Variants in ABCA12 observed in about 807,000 individuals in gnomAD.
ABCA12 encodes the protein glucosylceramide transporter ABCA12.
ABCA12 carries 156 observed loss-of-function variants against 293.5 expected under a neutral mutation model. The observed-to-expected ratio is 0.53, with a 90% CI of 0.47 to 0.61. The LOEUF is 0.61. Among genes scored for constraint, ABCA12 ranks in the 20% least tolerant of loss-of-function variants. The pLI is 0.00. For missense variants in ABCA12, 2,797 were observed against 3,090.2 expected (o/e 0.91, Z 2.25); for synonymous variants, 1,063 against 1,108.0 (o/e 0.96, Z 0.81).
chr2:215,121,258 T>C (rs544800297), intron 1 of ABCA12, among the ~76,000 whole-genome samples: 56 of 152,312 alleles, frequency 3.7e-4, no homozygotes, highest in African/African-American at 1.1e-3. Context: ...CACTACAAAA[T>C]GGATTACTGG....
rs563212344 is a variant in ABCA12 at position 215,055,942 on chromosome 2, TAGAAAGTTTG to T, written c.318-1288_318-1279del. On this transcript the variant is annotated intron_variant, in intron 3 of 52. Coordinates refer to ENST00000272895, the MANE Select transcript of ABCA12 (RefSeq NM_173076.3). ...TTTCCCTTTTCTCAAAAAGAAGTTT[TAGAAAGTTTG>T]AGAAAGTTGAGTTTACTTTTCTTTT... Among the ~76,000 whole-genome samples, 500 of 152,208 alleles carry T rather than the reference TAGAAAGTTTG, an allele frequency of 3.3e-3. 2 individuals carry two copies. The highest frequency in any genetic ancestry group is 6.8e-3 in the Middle Eastern group (2 of 294).
intron 8 of ABCA12, among the ~76,000 whole-genome samples, chr2:215,033,936 G>A (rs889426611): frequency 2.8e-4 from 42 of 151,602 alleles, no homozygotes; most frequent in Non-Finnish European, 1.6e-4. Flanking sequence ...GTGAGACTCC[G>A]TCTCAAAAAA....
chr2:215,074,620 G>A (rs1047197758), intron 2 of ABCA12, among the ~76,000 whole-genome samples: 2 of 152,188 alleles, frequency 1.3e-5, no homozygotes, highest in African/African-American at 4.8e-5. Context: ...ATCATTTACC[G>A]AGTTCACAGT....
At chr2:214,939,185 A>C (rs1698316917) in intron 50 of ABCA12, among the ~76,000 whole-genome samples, 1 of 152,210 alleles carries the variant, frequency 6.6e-6, no homozygotes, top group Non-Finnish European at 1.5e-5. Flanking sequence ...GCATATAGCT[A>C]GCCAGTTTTC....
chr2:215,114,043 C>T (rs1355314466), intron 1 of ABCA12, among the ~76,000 whole-genome samples: 4 of 152,116 alleles, frequency 2.6e-5, no homozygotes, highest in Admixed American at 6.6e-5. Flanking sequence ...GGTGCAACCT[C>T]GGCTCACTGC....
chr2:215,028,444 C>T (rs533611664), intron 9 of ABCA12, among the ~76,000 whole-genome samples: 6 of 152,258 alleles, frequency 3.9e-5, no homozygotes, highest in South Asian at 2.1e-4. Context: ...ATTTTACAAG[C>T]GCTCATGCTT....
At chr2:214,944,386 T>A (rs1009245312) in intron 49 of ABCA12, among the ~76,000 whole-genome samples, 6 of 151,652 alleles carry the variant, frequency 4.0e-5, no homozygotes, top group African/African-American at 1.5e-4. Context: ...TACTCCAGCC[T>A]GGGTGACAGA....
intron 2 of ABCA12, among the ~76,000 whole-genome samples, chr2:215,094,675 C>A (rs1341065331): frequency 1.3e-5 from 2 of 152,174 alleles, no homozygotes; most frequent in Non-Finnish European, 2.9e-5. Flanking sequence ...CTCCTCCTAG[C>A]CCCTCCTCTT....
At chr2:214,998,766 C>T (rs1167150783) in intron 22 of ABCA12, among the ~76,000 whole-genome samples, 2 of 152,174 alleles carry the variant, frequency 1.3e-5, no homozygotes, top group African/African-American at 4.8e-5. Flanking sequence ...CCAGGTGATA[C>T]TGATGCTGCT....
At chr2:215,111,739 G>T in intron 1 of ABCA12, 49 bp from the exon 2 acceptor site, 1 of 1,414,228 alleles carries the variant, frequency 7.1e-7, no homozygotes. Context: ...TTGAACCAAA[G>T]ATTTTTAAAA....
At position 215,016,309 on chromosome 2, in the gene ABCA12, C is replaced by T. The variant is rs1341095229; in HGVS notation, c.1783-646G>A. 7.9e-5 allele frequency among the ~76,000 whole-genome samples: 12 copies of T among 151,672 alleles called. 1 individual carries two copies. The South Asian group carries it at 2.1e-3, about 26-fold the overall frequency. On this transcript the variant is annotated intron_variant, in intron 14 of 52. Transcript: ENST00000272895. ...TTTAAGACTTTGCTCCCTGGCTGGG[C>T]GCGGTGGCTCACGCCTCTAATCCCA... is the stretch of plus-strand genomic sequence containing the variant.
Position 215,019,329 on chromosome 2 carries a change from G to A in ABCA12, c.1657+7C>T. ...AGACAAGATTTAAAATGTGGATGGG[G>A]AAACACCTGGCTTTTCAGAAGCATC... On this transcript the variant is annotated splice_region_variant and intron_variant, in intron 13 of 52. Transcript: ENST00000272895. The A allele has an allele frequency of 6.2e-7, 1 of 1,601,784 alleles. No homozygotes were observed. The highest frequency in any genetic ancestry group is 2.2e-5 in the East Asian group (1 of 44,814).
rs556738984 is a variant in ABCA12 at position 215,034,647 on chromosome 2, A to G, written c.985+2306T>C. Reference sequence around the variant, plus strand: ...CTGGGGCCTAGATTTGGAGATACACAGATCCAAGTTCTAATCTCAGTTTGG... The same window carrying G: ...CTGGGGCCTAGATTTGGAGATACACGGATCCAAGTTCTAATCTCAGTTTGG... On this transcript the variant is annotated intron_variant, in intron 8 of 52. Coordinates refer to ENST00000272895, the MANE Select transcript of ABCA12 (RefSeq NM_173076.3). Among the ~76,000 whole-genome samples, 506 of 152,326 alleles carry G rather than the reference A, an allele frequency of 3.3e-3. 2 individuals are homozygous for G. Among genetic ancestry groups the G allele is most frequent in the African/African-American group, 0.012 (486 of 41,570 alleles).
rs915598853 is a variant in ABCA12 at position 214,954,138 on chromosome 2, G to C, written c.6394-31C>G. The C allele has an allele frequency of 4.4e-6, 7 of 1,608,962 alleles. No individual in the cohort carries two copies. The African/African-American group carries it at 5.4e-5, about 12-fold the overall frequency. On this transcript the variant is annotated intron_variant, in intron 43 of 52. Coordinates refer to ENST00000272895, the MANE Select transcript of ABCA12 (RefSeq NM_173076.3). ...ATAAGAGAAATAAAAATAAAACTCA[G>C]TGTTAAGTTTCCAAAAAGCTGACAA...
intron 49 of ABCA12, among the ~76,000 whole-genome samples, chr2:214,944,130 A>C (rs1158544348): frequency 6.6e-6 from 1 of 151,796 alleles, no homozygotes; most frequent in African/African-American, 2.4e-5. Flanking sequence ...AGACCATTTC[A>C]GGCCAGGCGG....
At chr2:215,049,348 A>AGT (rs1701270785) in intron 6 of ABCA12, among the ~76,000 whole-genome samples, 1 of 152,134 alleles carries the variant, frequency 6.6e-6, no homozygotes, top group South Asian at 2.1e-4. Flanking sequence ...AAACTATCAA[A>AGT]CTTCATTTAC....
rs1368723487 is a variant in ABCA12 at position 214,931,733 on chromosome 2, A to ATT, written c.*899_*900dup. 6.6e-6 allele frequency: 1 copy of ATT among 152,630 alleles called. No individual in the cohort carries two copies. The highest frequency in any genetic ancestry group is 1.5e-5 in the Non-Finnish European group (1 of 68,042). The allele number at this position is 152,630 out of a possible 1,614,324, so 9.5% of individuals were successfully genotyped here. ...TACACGATTCTGGGTCACCCAGATA[A>ATT]TTAGCTGAAAATTATCTTCATATTC... is the stretch of plus-strand genomic sequence containing the variant. On this transcript the variant is annotated 3_prime_UTR_variant, in exon 53 of 53. Transcript: ENST00000272895.
chr2:215,134,391 T>G (rs1473828561), intron 1 of ABCA12, among the ~76,000 whole-genome samples: 1 of 146,468 alleles, frequency 6.8e-6, no homozygotes, highest in Non-Finnish European at 1.5e-5. Context: ...TGTACATATA[T>G]GTATATGTGT....
chr2:214,987,722 C>T lies in ABCA12; in HGVS notation c.3901G>A (p.Ala1301Thr), dbSNP rs141932167. 9 of 1,613,962 alleles carry T rather than the reference C, an allele frequency of 5.6e-6. No homozygotes were observed. The highest frequency in any genetic ancestry group is 1.7e-5 in the Admixed American group (1 of 60,002). Residue 1301 changes from alanine (A) to threonine (T), a missense_variant, in exon 27 of 53, where the codon GCA (alanine) becomes ACA (threonine). This residue lies in a region of ABCA12 where 2,130 missense variants were observed against 2,427.0 expected (regional missense o/e 0.88). Transcript: ENST00000272895. ...PSYWKERFGC[A>T]EVKPEKSNGL... ...TTGCTCTTCTCAGGCTTCACCTCTG[C>T]ACACCCAAATCGCTCCTTCCAATAG...
Sources: allele counts gnomAD v4.1 joint callset (sites outside exome capture counted in the v4.1 genomes callset), GRCh38; gene constraint gnomAD v4.1.1; regional missense constraint gnomAD v4.1.1; transcripts MANE v1.5; gene names NCBI Gene and HGNC (gene_info 2026-07-23, HGNC 2026-07-21).